Variants in NKAIN2 observed in about 807,000 individuals in gnomAD.
NKAIN2 encodes the protein sodium/potassium transporting ATPase interacting 2.
In NKAIN2, 14 loss-of-function variants were observed where a neutral mutation model predicts 32.6. The ratio of observed to expected loss-of-function variants is 0.43; its 90% CI spans 0.28 to 0.67. The LOEUF (loss-of-function observed/expected upper bound fraction) is 0.67, where lower values mean the gene tolerates loss of function less well. Among genes scored for constraint, NKAIN2 ranks in the 30% least tolerant of loss-of-function variants. The pLI, the probability that NKAIN2 is intolerant of heterozygous loss-of-function variation, is 0.17. For synonymous variants in NKAIN2, 80 were observed against 87.2 expected (o/e 0.92, Z 0.46); for missense variants, 198 against 258.3 (o/e 0.77, Z 1.60).
intron 1 of NKAIN2, among the ~76,000 whole-genome samples, chr6:123,940,832 C>T (rs957461957): frequency 5.3e-5 from 8 of 151,796 alleles, no homozygotes; most frequent in African/African-American, 1.9e-4. Context: ...TTAGGCTGCA[C>T]TAAATTTATT....
At chr6:124,238,563 C>T (rs1240181637) in intron 1 of NKAIN2, among the ~76,000 whole-genome samples, 2 of 132,956 alleles carry the variant, frequency 1.5e-5, no homozygotes, top group African/African-American at 5.7e-5. Context: ...TGAATAGGAA[C>T]AGCTCCTGTC....
At position 123,909,990 on chromosome 6, in the gene NKAIN2, T is replaced by TA. The variant is rs879708262; in HGVS notation, c.54+105747dup. On this transcript the variant is annotated intron_variant, in intron 1 of 6. Coordinates refer to ENST00000368417, the MANE Select transcript of NKAIN2 (RefSeq NM_001040214.3). ...TATATTTTCAAAGAAAAGTCTGCCA[T>TA]AAAAAAAAAAATGTAACCGTAACAG... is the stretch of plus-strand genomic sequence containing the variant. Among the ~76,000 whole-genome samples, 899 of 145,776 alleles carry TA rather than the reference T, an allele frequency of 6.2e-3. 3 individuals are homozygous for TA. Among genetic ancestry groups the TA allele is most frequent in the South Asian group, 0.017 (81 of 4,644 alleles).
intron 3 of NKAIN2, among the ~76,000 whole-genome samples, chr6:124,603,138 A>G (rs1398124361): frequency 6.6e-6 from 1 of 151,992 alleles, no homozygotes; most frequent in East Asian, 1.9e-4. Context: ...ATTATACAGA[A>G]GAAGAGAAAA....
chr6:124,688,146 G>A (rs1339102173), intron 4 of NKAIN2, among the ~76,000 whole-genome samples: 1 of 151,752 alleles, frequency 6.6e-6, no homozygotes, highest in Non-Finnish European at 1.5e-5. Flanking sequence ...TTTTTCTGCT[G>A]TTCTGCAAGC....
chr6:124,069,625 C>T (rs1783346665), intron 1 of NKAIN2, among the ~76,000 whole-genome samples: 1 of 152,152 alleles, frequency 6.6e-6, no homozygotes, highest in African/African-American at 2.4e-5. Flanking sequence ...CAGCAAGTTT[C>T]AGATTGGGTT....
rs139522530 is a variant in NKAIN2, at chr6:123,844,839, T to C, written c.54+40585T>C. ...ATTTATATGGTCAGTATTAGACATA[T>C]ACTCTTCATCAAGAATTATTTCCAA... On this transcript the variant is annotated intron_variant, in intron 1 of 6. Coordinates refer to ENST00000368417, the MANE Select transcript of NKAIN2 (RefSeq NM_001040214.3). 3.9e-4 allele frequency among the ~76,000 whole-genome samples: 60 copies of C among 152,322 alleles called. 1 individual carries two copies. The South Asian group carries it at 4.8e-3, about 12-fold the overall frequency.
intron 3 of NKAIN2, among the ~76,000 whole-genome samples, chr6:124,521,398 C>A (rs1779115091): frequency 6.6e-6 from 1 of 152,146 alleles, no homozygotes; most frequent in Non-Finnish European, 1.5e-5. Context: ...TTGAGAAGAT[C>A]ATATGATTTT....
chr6:124,741,203 C>G (rs918494333), intron 4 of NKAIN2, among the ~76,000 whole-genome samples: 4 of 150,166 alleles, frequency 2.7e-5, no homozygotes, highest in African/African-American at 7.5e-5. Context: ...TAGATGTCTA[C>G]TATACAACCA....
At chr6:124,447,633 T>C (rs1281190551) in intron 3 of NKAIN2, among the ~76,000 whole-genome samples, 1 of 152,170 alleles carries the variant, frequency 6.6e-6, no homozygotes, top group Non-Finnish European at 1.5e-5. Flanking sequence ...AGAGAGATGA[T>C]ACAAGAACAG....
At chr6:124,413,904 T>C (rs907709163) in intron 3 of NKAIN2, among the ~76,000 whole-genome samples, 3 of 152,146 alleles carry the variant, frequency 2.0e-5, no homozygotes, top group South Asian at 2.1e-4. Context: ...ACTAAACTCA[T>C]TTATTAGATC....
chr6:123,816,168 G>A (rs1773686853), intron 1 of NKAIN2, among the ~76,000 whole-genome samples: 1 of 152,080 alleles, frequency 6.6e-6, no homozygotes, highest in East Asian at 1.9e-4. Flanking sequence ...GGACAATGAA[G>A]GGTCCAGATG....
chr6:124,440,911 T>A (rs1775659994), intron 3 of NKAIN2, among the ~76,000 whole-genome samples: 2 of 152,012 alleles, frequency 1.3e-5, no homozygotes, highest in Admixed American at 1.3e-4. Flanking sequence ...TGTAAGTAGG[T>A]CCATTCCTAC....
chr6:124,334,552 G>GC (rs1797790883), intron 2 of NKAIN2, among the ~76,000 whole-genome samples: 1 of 151,646 alleles, frequency 6.6e-6, no homozygotes, highest in South Asian at 2.1e-4. Context: ...TCGGTTCCTG[G>GC]TGGGGGGCAC....
At chr6:124,654,766 A>G (rs1232822871) in intron 3 of NKAIN2, among the ~76,000 whole-genome samples, 1 of 152,164 alleles carries the variant, frequency 6.6e-6, no homozygotes, top group East Asian at 1.9e-4. Flanking sequence ...GAATGAAGGC[A>G]GAGATTAGGG....
chr6:124,530,322 T>C (rs1339178056), intron 3 of NKAIN2, among the ~76,000 whole-genome samples: 1 of 151,886 alleles, frequency 6.6e-6, no homozygotes, highest in Non-Finnish European at 1.5e-5. Context: ...GAAGAGAAAA[T>C]ATATTTACTA....
intron 3 of NKAIN2, among the ~76,000 whole-genome samples, chr6:124,410,678 T>G (rs1385826704): frequency 6.6e-6 from 1 of 152,168 alleles, no homozygotes; most frequent in Non-Finnish European, 1.5e-5. Context: ...TTCTATTGAT[T>G]TGGGGTGGAG....
At chr6:124,049,595 A>G (rs1782312114) in intron 1 of NKAIN2, among the ~76,000 whole-genome samples, 1 of 152,104 alleles carries the variant, frequency 6.6e-6, no homozygotes, top group Non-Finnish European at 1.5e-5. Context: ...CAGTCTGTAA[A>G]TAGTAAATGG....
chr6:124,224,936 T>C (rs1166053006), intron 1 of NKAIN2, among the ~76,000 whole-genome samples: 2 of 152,054 alleles, frequency 1.3e-5, no homozygotes, highest in Non-Finnish European at 1.5e-5. Flanking sequence ...ATTTCTCTTA[T>C]TATATCCAGT....
intron 3 of NKAIN2, among the ~76,000 whole-genome samples, chr6:124,646,867 C>T (rs1247363344): frequency 1.3e-5 from 2 of 152,040 alleles, no homozygotes; most frequent in Non-Finnish European, 2.9e-5. Flanking sequence ...AGAAGAATTG[C>T]TTGAAGTTGG....
Sources: allele counts gnomAD v4.1 joint callset (sites outside exome capture counted in the v4.1 genomes callset), GRCh38; gene constraint gnomAD v4.1.1; transcripts MANE v1.5; gene names NCBI Gene and HGNC (gene_info 2026-07-23, HGNC 2026-07-21).